KLHL18: variants seen among roughly 807,000 people sequenced by gnomAD.
The protein encoded by KLHL18 is kelch like family member 18.
A neutral mutation model predicts 58.5 loss-of-function variants in KLHL18; 38 were observed. The observed-to-expected ratio is 0.65, with a 90% CI of 0.50 to 0.85. The LOEUF (loss-of-function observed/expected upper bound fraction) is 0.85. Among genes scored for constraint, KLHL18 ranks in the 40% least tolerant of loss-of-function variants. The probability of loss-of-function intolerance (pLI) is 0.00; values close to 1 mark genes in which losing one functional copy is unlikely to be tolerated. For synonymous variants in KLHL18, 303 were observed against 301.9 expected, an observed-to-expected ratio of 1.00 and a Z score of -0.04; for missense variants, 624 against 778.4, an observed-to-expected ratio of 0.80 and a Z score of 2.36.
chr3:47,288,015 G>A (rs934368188), intron 1 of KLHL18, among the ~76,000 whole-genome samples: 1 of 151,984 alleles, frequency 6.6e-6, no homozygotes. Context: ...GAGATCAAGA[G>A]ATCAAGAACA....
intron 3 of KLHL18, among the ~76,000 whole-genome samples, chr3:47,329,120 C>T (rs950132941): frequency 4.9e-5 from 7 of 141,638 alleles, no homozygotes; most frequent in Admixed American, 3.8e-4. Context: ...CAAAGTGAGA[C>T]CCTGTCTCAA....
At chr3:47,312,792 A>C (rs1576157485) in intron 1 of KLHL18, among the ~76,000 whole-genome samples, 1 of 152,098 alleles carries the variant, frequency 6.6e-6, no homozygotes, top group South Asian at 2.1e-4. Flanking sequence ...GATCCAAGGC[A>C]TGTGCCACCA....
intron 7 of KLHL18, chr3:47,337,012 C>A: frequency 8.5e-6 from 4 of 468,430 alleles, no homozygotes; most frequent in South Asian, 2.5e-5. Context: ...ATTTTAAGTG[C>A]CAGATAAGGA....
Position 47,344,212 on chromosome 3 carries a change from C to A in KLHL18, c.*271C>A. ...AACTGTTTTCTGGTCCACATGAACA[C>A]AGGCTCCATCCAGGCCCAGCTCCTA... On this transcript the variant is annotated 3_prime_UTR_variant, in exon 10 of 10. Transcript: ENST00000232766. 2.0e-6 allele frequency: 1 copy of A among 496,092 alleles called. No homozygotes were observed. Among genetic ancestry groups the A allele is most frequent in the South Asian group, 2.6e-5 (1 of 38,018 alleles). 30.7% of individuals were successfully genotyped at this position (496,092 alleles called of 1,614,324 possible).
At chr3:47,335,394 C>T (rs1017688309) in intron 6 of KLHL18, among the ~76,000 whole-genome samples, 3 of 152,160 alleles carry the variant, frequency 2.0e-5, no homozygotes, top group Non-Finnish European at 4.4e-5. Flanking sequence ...CTTTACAGTC[C>T]GTGGGTTATT....
At chr3:47,314,103 A>G (rs777575550) in intron 1 of KLHL18, among the ~76,000 whole-genome samples, 1 of 152,088 alleles carries the variant, frequency 6.6e-6, no homozygotes, top group Non-Finnish European at 1.5e-5. Context: ...AGTGACAATT[A>G]TAGCTCACTG....
Position 47,319,736 on chromosome 3 carries a change from G to C in KLHL18, c.213G>C (p.Met71Ile), listed in dbSNP as rs1559497120. 2.5e-6 allele frequency: 4 copies of C among 1,614,054 alleles called. No individual in the cohort carries two copies. The highest frequency in any genetic ancestry group is 3.4e-6 in the Non-Finnish European group (4 of 1,179,932). Residue 71 changes from methionine to isoleucine, a missense_variant, in exon 2 of 10, where the codon ATG (methionine) becomes ATC (isoleucine). Coordinates refer to ENST00000232766, the MANE Select transcript of KLHL18 (RefSeq NM_025010.5). ...TCCATGCTATGTTTACAAATGACAT[G>C]ATGGAGTGCAAGCAGGATGAGATTG... ...PYFHAMFTND[M>I]MECKQDEIVM...
At chr3:47,324,833 A>G (rs992656479) in intron 3 of KLHL18, among the ~76,000 whole-genome samples, 2 of 152,194 alleles carry the variant, frequency 1.3e-5, no homozygotes, top group Admixed American at 1.3e-4. Context: ...CTCTGTCTCT[A>G]AAAACTAAAA....
chr3:47,336,896 A>C, intron 7 of KLHL18, 139 bp downstream of exon 7: 1 of 682,274 alleles, frequency 1.5e-6, no homozygotes, highest in Admixed American at 2.5e-5. Context: ...AGCCACTGCC[A>C]GTACCTCCTG....
At chr3:47,331,237 C>T (rs1181166969) in intron 4 of KLHL18, among the ~76,000 whole-genome samples, 1 of 152,002 alleles carries the variant, frequency 6.6e-6, no homozygotes, top group African/African-American at 2.4e-5. Context: ...AGCAATTCTC[C>T]TGCTTCAGCC....
At position 47,333,246 on chromosome 3, in the gene KLHL18, C is replaced by T. The variant is rs1276267398; in HGVS notation, c.690C>T (p.Pro230=). ...LPELLSNIRL[P]LCRPQFLSDR... is the part of the protein sequence containing the mutation. ...AGCTGCTGTCCAATATCCGCCTGCC[C>T]CTCTGTCGGCCCCAGTTCCTTTCAG... Residue 230 remains proline (P), a synonymous_variant, in exon 5 of 10, where the codon CCC becomes CCT. Coordinates refer to ENST00000232766, the MANE Select transcript of KLHL18 (RefSeq NM_025010.5). 2.5e-6 allele frequency: 4 copies of T among 1,614,160 alleles called. No homozygotes were observed. Among genetic ancestry groups the T allele is most frequent in the Admixed American group, 1.7e-5 (1 of 60,012 alleles).
chr3:47,295,480 TA>T (rs1702876275), intron 1 of KLHL18, among the ~76,000 whole-genome samples: 1 of 152,194 alleles, frequency 6.6e-6, no homozygotes, highest in Non-Finnish European at 1.5e-5. Context: ...AGCAGAGCCG[TA>T]TCCATGCTTC....
At chr3:47,299,776 G>A (rs1178243980) in intron 1 of KLHL18, among the ~76,000 whole-genome samples, 2 of 134,508 alleles carry the variant, frequency 1.5e-5, no homozygotes, top group East Asian at 2.3e-4. Context: ...GCAGTGAGCC[G>A]TGATTGCACC....
Position 47,344,047 on chromosome 3 carries a change from C to T in KLHL18, c.*106C>T, listed in dbSNP as rs1232361929. 19 of 1,422,644 alleles carry T rather than the reference C, an allele frequency of 1.3e-5. No individual in the cohort carries two copies. The highest frequency in any genetic ancestry group is 2.3e-5 in the Admixed American group (1 of 43,652). The allele number at this position is 1,422,644 out of a possible 1,614,324, so 88.1% of individuals were successfully genotyped here. On this transcript the variant is annotated 3_prime_UTR_variant, in exon 10 of 10. Transcript: ENST00000232766. ...CAGTGGACCAGAAGAGATGGCGAAA[C>T]GTGAGCTCGCCGGAGGTACAGTTTT...
intron 1 of KLHL18, among the ~76,000 whole-genome samples, chr3:47,311,798 C>T (rs1430026350): frequency 6.6e-6 from 1 of 152,186 alleles, no homozygotes; most frequent in Admixed American, 6.5e-5. Context: ...GTAACTCCAT[C>T]ACTTCTTTTA....
intron 1 of KLHL18, among the ~76,000 whole-genome samples, chr3:47,291,445 A>G (rs1469710708): frequency 6.6e-6 from 1 of 152,228 alleles, no homozygotes; most frequent in Non-Finnish European, 1.5e-5. Flanking sequence ...TGCGTGAACT[A>G]AGAGTTAACA....
chr3:47,315,836 A>T (rs1703409465), intron 1 of KLHL18, among the ~76,000 whole-genome samples: 1 of 152,236 alleles, frequency 6.6e-6, no homozygotes, highest in African/African-American at 2.4e-5. Context: ...CTCAGGAGAG[A>T]TTTGAGAAAA....
chr3:47,333,484 G>A (rs1352353066), intron 5 of KLHL18, among the ~76,000 whole-genome samples, 167 bp downstream of exon 5: 1 of 152,238 alleles, frequency 6.6e-6, no homozygotes, highest in Non-Finnish European at 1.5e-5. Context: ...GAAGTGTGAA[G>A]AGCCCGAATC....
intron 2 of KLHL18, among the ~76,000 whole-genome samples, chr3:47,321,405 G>T (rs376237396): frequency 6.7e-6 from 1 of 148,368 alleles, no homozygotes; most frequent in African/African-American, 2.5e-5. Flanking sequence ...AGAATGCAAT[G>T]ACATGATCTC....
Sources: allele counts gnomAD v4.1 joint callset (sites outside exome capture counted in the v4.1 genomes callset), GRCh38; gene constraint gnomAD v4.1.1; transcripts MANE v1.5; gene names NCBI Gene and HGNC (gene_info 2026-07-23, HGNC 2026-07-21).